Variants in DOCK9 observed in about 807,000 individuals in gnomAD.
The protein encoded by DOCK9 is dedicator of cytokinesis protein 9.
Under a neutral mutation model 263.3 loss-of-function variants are expected in DOCK9, and 89 were observed. That is an observed-to-expected ratio of 0.34 (90% CI 0.28 to 0.40). The LOEUF is 0.40. Ranked by LOEUF, DOCK9 falls within the 10% of genes least tolerant of loss-of-function variation. The pLI, the probability that DOCK9 is intolerant of heterozygous loss-of-function variation, is 1.00. For synonymous variants in DOCK9, 976 were observed against 973.1 expected (o/e 1.00, Z -0.06); for missense variants, 2,140 against 2,603.4 (o/e 0.82, Z 3.87).
At position 98,990,723 on chromosome 13, in the gene DOCK9, T is replaced by C. The variant is rs1408664398; in HGVS notation, c.130-35172A>G. 2.6e-5 allele frequency among the ~76,000 whole-genome samples: 4 copies of C among 152,322 alleles called. No individual in the cohort carries two copies. In the East Asian group the frequency reaches 7.7e-4, roughly 29 times the overall value. ...GTCAAGTTCTTTTCAGCCCAAACTCTGCAATTCAGCAATACATATGAGCAC... is the reference window on the plus strand; with the variant it reads ...GTCAAGTTCTTTTCAGCCCAAACTCCGCAATTCAGCAATACATATGAGCAC... On this transcript the variant is annotated intron_variant, in intron 1 of 32. Transcript: ENST00000427887.
chr13:98,915,058 G>T (rs1391686972), intron 8 of DOCK9, among the ~76,000 whole-genome samples: 2 of 152,162 alleles, frequency 1.3e-5, no homozygotes, highest in Non-Finnish European at 1.5e-5. Flanking sequence ...CTACACAGCT[G>T]AAATACAGTA....
At chr13:98,831,885 A>G in intron 39 of DOCK9, 99 bp from the exon 40 acceptor site, 1 of 1,409,280 alleles carries the variant, frequency 7.1e-7, no homozygotes, top group Non-Finnish European at 9.6e-7. Context: ...AAGTATTAAG[A>G]CAACTTATAC....
At chr13:99,072,360 T>C (rs964392759) in intron 1 of DOCK9, among the ~76,000 whole-genome samples, 4 of 152,180 alleles carry the variant, frequency 2.6e-5, no homozygotes, top group Non-Finnish European at 4.4e-5. Flanking sequence ...TGGGAACAAG[T>C]AGACCACTTC....
At chr13:98,873,219 C>T (rs2094235654) in intron 27 of DOCK9, among the ~76,000 whole-genome samples, 1 of 152,064 alleles carries the variant, frequency 6.6e-6, no homozygotes, top group African/African-American at 2.4e-5. Context: ...CATGACTACT[C>T]CTATCTGTTG....
chr13:98,809,275 A>G, intron 47 of DOCK9, 77 bp downstream of exon 47: 2 of 1,273,532 alleles, frequency 1.6e-6, no homozygotes, highest in Non-Finnish European at 2.2e-6. Context: ...TAACTTTATT[A>G]TAGTTTTTTT....
chr13:98,865,631 A>G (rs1485947075), intron 30 of DOCK9, among the ~76,000 whole-genome samples: 27 of 152,224 alleles, frequency 1.8e-4, no homozygotes. Flanking sequence ...TCATGGGGAG[A>G]TGGGCATCAG....
At chr13:98,905,959 C>G (rs986443158) in intron 9 of DOCK9, among the ~76,000 whole-genome samples, 3 of 152,160 alleles carry the variant, frequency 2.0e-5, no homozygotes, top group Admixed American at 6.5e-5. Flanking sequence ...ATCACACCAG[C>G]CTCCCAGTCT....
intron 1 of DOCK9, among the ~76,000 whole-genome samples, chr13:99,053,309 G>A (rs1174065579): frequency 6.6e-6 from 1 of 152,150 alleles, no homozygotes; most frequent in East Asian, 1.9e-4. Context: ...GATAAATTTT[G>A]TCACTCTTGT....
Position 98,797,424 on chromosome 13 carries a change from A to G in DOCK9, c.5982T>C (p.Pro1994=), listed in dbSNP as rs2089557649. ...FLDDTNTKRY[P]DNKVKLLKEV... ...CCTTAAGCAGCTTCACTTTATTGTCAGGATATCGCTTTGTGTTTGTATCAT... is the reference window on the plus strand; with the variant it reads ...CCTTAAGCAGCTTCACTTTATTGTCGGGATATCGCTTTGTGTTTGTATCAT... The change falls in exon 51 of 53, where the codon CCT becomes CCC. Residue 1994 remains proline (P), a synonymous_variant. Transcript: ENST00000682017. 1 of 1,613,750 alleles carries G rather than the reference A, an allele frequency of 6.2e-7. No homozygotes were observed. Among genetic ancestry groups the G allele is most frequent in the Non-Finnish European group, 8.5e-7 (1 of 1,179,782 alleles).
At chr13:99,010,291 T>C (rs1308431771) in intron 1 of DOCK9, among the ~76,000 whole-genome samples, 3 of 152,248 alleles carry the variant, frequency 2.0e-5, no homozygotes, top group Admixed American at 2.0e-4. Flanking sequence ...GAATATGATA[T>C]TGGTAGCTAT....
chr13:98,809,278 G>C (rs1186676082), intron 47 of DOCK9, 74 bp downstream of exon 47: 3 of 1,274,414 alleles, frequency 2.4e-6, no homozygotes, highest in Admixed American at 2.2e-5. Context: ...CTTTATTATA[G>C]TTTTTTTTTT....
At chr13:99,049,229 A>G (rs1348424361) in intron 1 of DOCK9, among the ~76,000 whole-genome samples, 1 of 152,224 alleles carries the variant, frequency 6.6e-6, no homozygotes, top group Non-Finnish European at 1.5e-5. Context: ...TGTTTACAGT[A>G]CTTCTGAATC....
chr13:99,036,154 T>C (rs1368336082), intron 1 of DOCK9, among the ~76,000 whole-genome samples: 1 of 152,200 alleles, frequency 6.6e-6, no homozygotes, highest in African/African-American at 2.4e-5. Flanking sequence ...CATACACACA[T>C]ACACATCTTA....
intron 1 of DOCK9, among the ~76,000 whole-genome samples, chr13:99,046,420 T>A (rs1426608083): frequency 6.6e-6 from 1 of 152,234 alleles, no homozygotes; most frequent in African/African-American, 2.4e-5. Context: ...GGAAGTAGTT[T>A]GTTGGTTTTG....
chr13:98,987,088 C>G (rs138131252), intron 1 of DOCK9, among the ~76,000 whole-genome samples: 3 of 152,266 alleles, frequency 2.0e-5, no homozygotes, highest in African/African-American at 7.2e-5. Context: ...CCACCACCAC[C>G]ACCACCATCA....
intron 1 of DOCK9, among the ~76,000 whole-genome samples, chr13:99,051,841 T>C (rs2040709168): frequency 8.3e-6 from 1 of 120,538 alleles, no homozygotes; most frequent in Middle Eastern, 5.1e-3. Flanking sequence ...CTAAAGAACA[T>C]GTTCCACTAG....
chr13:98,846,368 G>A (rs1169855147), intron 37 of DOCK9, among the ~76,000 whole-genome samples: 1 of 152,128 alleles, frequency 6.6e-6, no homozygotes, highest in African/African-American at 2.4e-5. Flanking sequence ...GTGTTCTGAC[G>A]ACTGTCAAAA....
intron 45 of DOCK9, among the ~76,000 whole-genome samples, chr13:98,820,237 G>A (rs1049567711): frequency 2.0e-5 from 3 of 152,162 alleles, no homozygotes; most frequent in African/African-American, 7.2e-5. Flanking sequence ...ATAGCCAACA[G>A]CACTAGAACT....
intron 27 of DOCK9, among the ~76,000 whole-genome samples, chr13:98,874,711 A>G (rs2094284298): frequency 6.6e-6 from 1 of 152,202 alleles, no homozygotes; most frequent in South Asian, 2.1e-4. Context: ...TGTCTGGTGA[A>G]TCTGTTCCAC....
Sources: gnomAD v4.1 joint callset for allele counts (sites outside exome capture counted in the v4.1 genomes callset) on GRCh38, gnomAD v4.1.1 for gene constraint, MANE v1.5 for transcripts, NCBI Gene and HGNC (gene_info 2026-07-23, HGNC 2026-07-21) for gene names.